MCTP1: variants seen among roughly 807,000 people sequenced by gnomAD.
MCTP1 encodes multiple C2 and transmembrane domain-containing protein 1.
A neutral mutation model predicts 120.6 loss-of-function variants in MCTP1; 69 were observed. The observed-to-expected ratio is 0.57, with a 90% CI of 0.47 to 0.70. The LOEUF is 0.70. MCTP1 is among the 30% of genes least tolerant of loss of function. MCTP1 has a pLI of 0.00. For synonymous variants in MCTP1, 529 were observed against 493.1 expected, an observed-to-expected ratio of 1.07 and a Z score of -0.96; for missense variants, 1,203 against 1,248.8, an observed-to-expected ratio of 0.96 and a Z score of 0.55.
intron 1 of MCTP1, among the ~76,000 whole-genome samples, chr5:95,114,719 C>A (rs187758840): frequency 6.6e-6 from 1 of 152,362 alleles, no homozygotes; most frequent in Non-Finnish European, 1.5e-5. Flanking sequence ...TGGACCTGCC[C>A]AGGGCCTGGG....
chr5:95,093,280 G>T (rs1755987143), intron 1 of MCTP1, among the ~76,000 whole-genome samples: 1 of 152,116 alleles, frequency 6.6e-6, no homozygotes, highest in Non-Finnish European at 1.5e-5. Flanking sequence ...ACAATTCCTA[G>T]CAGTAGGATT....
chr5:95,242,352 A>G (rs1756261099), intron 1 of MCTP1, among the ~76,000 whole-genome samples: 1 of 152,168 alleles, frequency 6.6e-6, no homozygotes, highest in African/African-American at 2.4e-5. Context: ...AATGGTTGGC[A>G]TCTTTTTAAA....
At chr5:95,247,196 T>C (rs1756890533) in intron 1 of MCTP1, among the ~76,000 whole-genome samples, 3 of 152,338 alleles carry the variant, frequency 2.0e-5, no homozygotes, top group Admixed American at 1.3e-4. Flanking sequence ...TTTATAGTAT[T>C]CTCTGATGGT....
chr5:95,148,990 G>A (rs114050090), intron 1 of MCTP1, among the ~76,000 whole-genome samples: 1,704 of 152,300 alleles, frequency 0.011, 28 homozygotes, highest in African/African-American at 0.038. Context: ...CTGTGATCCA[G>A]TAGATGACAC....
chr5:95,227,395 T>G (rs1381134863), intron 1 of MCTP1, among the ~76,000 whole-genome samples: 3 of 152,176 alleles, frequency 2.0e-5, no homozygotes, highest in Non-Finnish European at 4.4e-5. Flanking sequence ...AAACTATTTT[T>G]CTAGCCCTAA....
At chr5:94,927,064 C>T (rs920511742) in intron 6 of MCTP1, among the ~76,000 whole-genome samples, 3 of 152,122 alleles carry the variant, frequency 2.0e-5, no homozygotes, top group South Asian at 4.1e-4. Context: ...AATTACAATA[C>T]ATAAAAATTA....
intron 1 of MCTP1, among the ~76,000 whole-genome samples, chr5:95,108,855 A>G (rs897895199): frequency 2.6e-5 from 4 of 152,228 alleles, no homozygotes; most frequent in African/African-American, 9.6e-5. Flanking sequence ...GTCTGGGGAA[A>G]ATATTAATAG....
chr5:95,218,359 G>A (rs1451708607), intron 1 of MCTP1, among the ~76,000 whole-genome samples: 1 of 152,180 alleles, frequency 6.6e-6, no homozygotes, highest in Admixed American at 6.5e-5. Flanking sequence ...ATGAATGGGA[G>A]AGTGAGTGAG....
chr5:95,178,800 A>T lies in MCTP1; in HGVS notation c.720+105056T>A, dbSNP rs542404841. Among the ~76,000 whole-genome samples, 37 of 152,310 alleles carry T rather than the reference A, an allele frequency of 2.4e-4. 1 individual carries two copies. Among genetic ancestry groups the T allele is most frequent in the Admixed American group, 2.4e-3 (36 of 15,300 alleles). ...CATCCCCAAAAGACCACACCAGCTCACCAGTAATGGATCCAAACCAAGACA... is the reference window on the plus strand; with the variant it reads ...CATCCCCAAAAGACCACACCAGCTCTCCAGTAATGGATCCAAACCAAGACA... On this transcript the variant is annotated intron_variant, in intron 1 of 22. Transcript: ENST00000515393.
chr5:94,801,331 T>C (rs894146202), intron 17 of MCTP1, among the ~76,000 whole-genome samples: 1 of 152,210 alleles, frequency 6.6e-6, no homozygotes, highest in African/African-American at 2.4e-5. Flanking sequence ...TATTTAATTA[T>C]TTGTATTAGC....
At chr5:95,048,907 C>T (rs1745213282) in intron 1 of MCTP1, among the ~76,000 whole-genome samples, 1 of 152,084 alleles carries the variant, frequency 6.6e-6, no homozygotes, top group African/African-American at 2.4e-5. Flanking sequence ...CTTGATGCTT[C>T]AGTGCTTCAA....
intron 1 of MCTP1, among the ~76,000 whole-genome samples, chr5:95,017,824 G>T (rs1235920981): frequency 1.6e-4 from 25 of 152,096 alleles, no homozygotes; most frequent in Admixed American, 6.6e-5. Context: ...CATAATCAAT[G>T]ATGAGTGGAG....
At chr5:94,909,538 T>C (rs1397164205) in intron 9 of MCTP1, among the ~76,000 whole-genome samples, 157 bp from the exon 10 acceptor site, 1 of 152,100 alleles carries the variant, frequency 6.6e-6, no homozygotes, top group African/African-American at 2.4e-5. Context: ...AATAACTCAT[T>C]AGATCTCCAG....
intron 1 of MCTP1, among the ~76,000 whole-genome samples, chr5:95,077,693 C>A (rs1033998084): frequency 1.3e-5 from 2 of 152,068 alleles, no homozygotes; most frequent in Non-Finnish European, 2.9e-5. Flanking sequence ...AAGATGGTCT[C>A]GATCTCCTGA....
intron 8 of MCTP1, among the ~76,000 whole-genome samples, chr5:94,917,684 T>C (rs1430796205): frequency 6.6e-6 from 1 of 152,222 alleles, no homozygotes; most frequent in Admixed American, 6.5e-5. Context: ...ATAACATGTA[T>C]CTTTAGTAAG....
rs559098625 is a variant in MCTP1 at position 95,079,007 on chromosome 5, G to A, written c.721-61523C>T. 3.9e-5 allele frequency among the ~76,000 whole-genome samples: 6 copies of A among 152,250 alleles called. No homozygotes were observed. In the East Asian group the frequency reaches 9.7e-4, roughly 25 times the overall value. On this transcript the variant is annotated intron_variant, in intron 1 of 22. Transcript: ENST00000515393. The stretch of plus-strand genomic sequence containing the variant: ...TTGATTTGTTATATTTCAGTATGCT[G>A]TAAATTGCCGCGAATAAATACTACT...
intron 14 of MCTP1, 46 bp downstream of exon 14, chr5:94,871,269 T>G: frequency 8.7e-7 from 1 of 1,151,028 alleles, no homozygotes. Context: ...TTTTTTTCCG[T>G]GAGCAAAAGC....
chr5:94,878,184 T>C (rs1799314367), intron 12 of MCTP1, among the ~76,000 whole-genome samples: 1 of 152,154 alleles, frequency 6.6e-6, no homozygotes, highest in African/African-American at 2.4e-5. Context: ...TCATAACATA[T>C]AATAATGTTA....
At chr5:94,707,981 A>C (rs1005201457) in intron 22 of MCTP1, among the ~76,000 whole-genome samples, 1 of 151,778 alleles carries the variant, frequency 6.6e-6, no homozygotes, top group Non-Finnish European at 1.5e-5. Flanking sequence ...TTTAAAAAAA[A>C]AAAAACAAAC....
Sources: gnomAD v4.1 joint callset for allele counts (sites outside exome capture counted in the v4.1 genomes callset) on GRCh38, gnomAD v4.1.1 for gene constraint, MANE v1.5 for transcripts, NCBI Gene and HGNC (gene_info 2026-07-23, HGNC 2026-07-21) for gene names.